The following NOL4L variants were observed in gnomAD, a reference collection of about 807,000 sequenced individuals.
NOL4L encodes nucleolar protein 4-like.
NOL4L carries 7 observed loss-of-function variants against 64.5 expected under a neutral mutation model. The ratio of observed to expected loss-of-function variants is 0.11; its 90% confidence interval spans 0.06 to 0.20. The LOEUF is 0.20. NOL4L is among the 10% of genes least tolerant of loss of function. The pLI, the probability that NOL4L is intolerant of heterozygous loss-of-function variation, is 1.00. For synonymous variants in NOL4L, 413 were observed against 401.0 expected (o/e 1.03, Z -0.36); for missense variants, 680 against 967.1 (o/e 0.70, Z 3.94).
At chr20:32,470,142 G>A (rs997500660) in intron 5 of NOL4L, among the ~76,000 whole-genome samples, 1 of 152,268 alleles carries the variant, frequency 6.6e-6, no homozygotes, top group Non-Finnish European at 1.5e-5. Flanking sequence ...CTCCCCTGGC[G>A]CTGGCTTCCT....
intron 1 of NOL4L, among the ~76,000 whole-genome samples, chr20:32,562,354 G>A (rs751061062): frequency 8.5e-5 from 13 of 152,104 alleles, no homozygotes; most frequent in Non-Finnish European, 1.6e-4. Context: ...CCTCAACGCC[G>A]CCTGCCCCAA....
chr20:32,553,491 T>C (rs1382632331), intron 1 of NOL4L, among the ~76,000 whole-genome samples: 1 of 152,184 alleles, frequency 6.6e-6, no homozygotes, highest in Non-Finnish European at 1.5e-5. Flanking sequence ...TCTGCTCCCA[T>C]GTCTCCTTGG....
chr20:32,456,120 C>G lies in NOL4L; in HGVS notation c.1117G>C (p.Glu373Gln). 1 of 1,526,514 alleles carries G rather than the reference C, an allele frequency of 6.6e-7. No homozygotes were observed. The highest frequency in any genetic ancestry group is 1.3e-5 in the South Asian group (1 of 77,764). The allele number at this position is 1,526,514 out of a possible 1,614,324, so 94.6% of individuals were successfully genotyped here. A position where few individuals can be genotyped will look rare whatever the true frequency, so the allele number is the denominator to read the frequency against. The change falls in exon 6 of 11, where the codon GAG (glutamate) becomes CAG (glutamine). Residue 373 changes from glutamate to glutamine, a missense_variant and splice_region_variant. Transcript: ENST00000621426. Reference sequence around the variant, plus strand: ...ACTCAGCCCCCAGCCCCACACACCTCGGGGGTGGTCTTCACCCCGTATTTG... The same window carrying G: ...ACTCAGCCCCCAGCCCCACACACCTGGGGGGTGGTCTTCACCCCGTATTTG... ...RVKYGVKTTP[E>Q]SPPYSSGSYD...
chr20:32,501,226 T>A (rs1345938619), intron 4 of NOL4L, among the ~76,000 whole-genome samples: 1 of 152,240 alleles, frequency 6.6e-6, no homozygotes, highest in Non-Finnish European at 1.5e-5. Flanking sequence ...ACTCCATGTC[T>A]GTGGTCTTCC....
chr20:32,451,628 G>A (rs1315166275), intron 10 of NOL4L: 1 of 152,384 alleles, frequency 6.6e-6, no homozygotes, highest in Non-Finnish European at 1.5e-5. Flanking sequence ...GGAGCGGAGC[G>A]AGGGAGCAGG....
chr20:32,499,441 T>G (rs978578308), intron 4 of NOL4L, among the ~76,000 whole-genome samples: 3 of 152,020 alleles, frequency 2.0e-5, no homozygotes, highest in African/African-American at 7.2e-5. Flanking sequence ...TTTTAGGCAT[T>G]AAAGAAACAA....
At chr20:32,570,206 C>T (rs1444994621) in intron 1 of NOL4L, among the ~76,000 whole-genome samples, 1 of 152,124 alleles carries the variant, frequency 6.6e-6, no homozygotes, top group Non-Finnish European at 1.5e-5. Flanking sequence ...TTCTCAGCTA[C>T]ATGTTAATAC....
At chr20:32,543,389 G>C (rs1316448264) in intron 1 of NOL4L, among the ~76,000 whole-genome samples, 1 of 152,174 alleles carries the variant, frequency 6.6e-6, no homozygotes, top group Non-Finnish European at 1.5e-5. Flanking sequence ...GGAGGCCCAG[G>C]TGGGTGGATC....
intron 1 of NOL4L, among the ~76,000 whole-genome samples, chr20:32,551,068 T>C (rs2018794715): frequency 1.3e-5 from 2 of 150,780 alleles, no homozygotes; most frequent in Non-Finnish European, 3.0e-5. Context: ...AAAATAATAA[T>C]AATAATACAG....
Position 32,453,793 on chromosome 20 carries a change from C to T in NOL4L, c.1120-32G>A. 1.3e-6 allele frequency: 2 copies of T among 1,546,708 alleles called. No individual in the cohort carries two copies. Among genetic ancestry groups the T allele is most frequent in the South Asian group, 2.4e-5 (2 of 83,884 alleles). On this transcript the variant is annotated intron_variant, in intron 6 of 10. Coordinates refer to ENST00000621426, the MANE Select transcript of NOL4L (RefSeq NM_001256798.2). The surrounding 1 kb of genome is among the most constrained non-coding windows in gnomAD (Gnocchi z 5.6). ...GGAGGGCAAGAGGCAGAGGGTTGGG[C>T]CAAGCAGCTGCTCAAGCCCTTGCTG...
chr20:32,558,642 C>T (rs1243471206), intron 1 of NOL4L, among the ~76,000 whole-genome samples: 1 of 152,234 alleles, frequency 6.6e-6, no homozygotes, highest in African/African-American at 2.4e-5. Flanking sequence ...ATTCCAGCTG[C>T]ACCAGCAGGT....
At position 32,460,892 on chromosome 20, in the gene NOL4L, G is replaced by A. The variant is rs2013975352; in HGVS notation, c.842-4497C>T. Among the ~76,000 whole-genome samples the A allele has an allele frequency of 6.6e-6, 1 of 152,180 alleles. No individual in the cohort carries two copies. The highest frequency in any genetic ancestry group is 2.1e-4 in the South Asian group (1 of 4,824). On this transcript the variant is annotated intron_variant, in intron 5 of 10. Transcript: ENST00000621426. This position sits in a 1 kb window ranked among gnomAD's most constrained non-coding sequence, Gnocchi z 5.7. ...GTGTCACCAGCTTTCTGGCCCCTGA[G>A]CCATGGTGTCTCCCCTACTCTCGGC...
At chr20:32,514,449 G>A (rs897544169) in intron 3 of NOL4L, among the ~76,000 whole-genome samples, 2 of 151,716 alleles carry the variant, frequency 1.3e-5, no homozygotes, top group Admixed American at 6.6e-5. Context: ...CCAAGGTCAT[G>A]TCATTGCACT....
chr20:32,476,021 C>T (rs1021719426), intron 4 of NOL4L, among the ~76,000 whole-genome samples: 1 of 152,180 alleles, frequency 6.6e-6, no homozygotes, highest in Admixed American at 6.5e-5. Context: ...GTAGTCCCCA[C>T]GCGGCACACC....
intron 4 of NOL4L, among the ~76,000 whole-genome samples, chr20:32,494,483 T>A (rs293550): frequency 0.53 from 79,753 of 151,640 alleles, 22,935 homozygotes; most frequent in East Asian, 0.99. Context: ...TCCTTTCTTT[T>A]CCATTCTTTT....
chr20:32,458,162 T>C (rs2013729874), intron 5 of NOL4L, among the ~76,000 whole-genome samples: 1 of 152,160 alleles, frequency 6.6e-6, no homozygotes, highest in Non-Finnish European at 1.5e-5. Flanking sequence ...CTCACTCCCC[T>C]GTCCCATGCT....
At chr20:32,513,481 TAC>T (rs2017501927) in intron 3 of NOL4L, among the ~76,000 whole-genome samples, 1 of 152,286 alleles carries the variant, frequency 6.6e-6, no homozygotes, top group South Asian at 2.1e-4. Flanking sequence ...GCTTAATGGG[TAC>T]AGAGTTTCTG....
chr20:32,584,131 G>GCACA (rs1209297004), intron 1 of NOL4L, among the ~76,000 whole-genome samples: 4 of 100,754 alleles, frequency 4.0e-5, no homozygotes, highest in African/African-American at 2.1e-4. Context: ...CCCTCCGCGC[G>GCACA]CGCACACACA....
At chr20:32,510,853 C>T (rs1323561085) in intron 4 of NOL4L, among the ~76,000 whole-genome samples, 1 of 152,058 alleles carries the variant, frequency 6.6e-6, no homozygotes, top group Non-Finnish European at 1.5e-5. Flanking sequence ...GTCTCACGGC[C>T]CTTGGCAAAC....
Sources: gnomAD v4.1 joint callset for allele counts (sites outside exome capture counted in the v4.1 genomes callset) on GRCh38, gnomAD v4.1.1 for gene constraint, Gnocchi (gnomAD v3.1) non-coding constraint, MANE v1.5 for transcripts, NCBI Gene and HGNC (gene_info 2026-07-23, HGNC 2026-07-21) for gene names.